The following ADGRL2 variants were observed in gnomAD, a reference collection of about 807,000 sequenced individuals.
The protein encoded by ADGRL2 is adhesion G protein-coupled receptor L2.
A neutral mutation model predicts 157.4 loss-of-function variants in ADGRL2; 44 were observed. The ratio of observed to expected loss-of-function variants is 0.28; its 90% CI spans 0.22 to 0.36. The LOEUF (loss-of-function observed/expected upper bound fraction) is 0.36. Ranked by LOEUF, ADGRL2 falls within the 10% of genes least tolerant of loss-of-function variation. The pLI, the probability that ADGRL2 is intolerant of heterozygous loss-of-function variation, is 1.00. For missense variants in ADGRL2, 1,510 were observed against 1,768.9 expected, an observed-to-expected ratio of 0.85 and a Z score of 2.63; for synonymous variants, 585 against 624.7, an observed-to-expected ratio of 0.94 and a Z score of 0.95.
At chr1:81,488,175 A>G (rs1320049753) in intron 2 of ADGRL2, among the ~76,000 whole-genome samples, 1 of 152,132 alleles carries the variant, frequency 6.6e-6, no homozygotes, top group African/African-American at 2.4e-5. Flanking sequence ...TTCAAAAACA[A>G]CTGAATATAT....
intron 2 of ADGRL2, among the ~76,000 whole-genome samples, chr1:81,884,122 A>G (rs2151280873): frequency 6.6e-6 from 1 of 151,686 alleles, no homozygotes. Flanking sequence ...AATAGCCGGG[A>G]CTTTAGGCAT....
intron 1 of ADGRL2, among the ~76,000 whole-genome samples, chr1:81,801,823 C>T (rs2088208372): frequency 6.6e-6 from 1 of 152,194 alleles, no homozygotes; most frequent in Admixed American, 6.5e-5. Context: ...CCCAAGTCTG[C>T]GCACCTCTGT....
chr1:81,777,921 C>G (rs771516208), intron 2 of ADGRL2, among the ~76,000 whole-genome samples: 1 of 152,114 alleles, frequency 6.6e-6, no homozygotes, highest in Non-Finnish European at 1.5e-5. Flanking sequence ...AGGCCAAAGA[C>G]AAAGGTCTGT....
intron 3 of ADGRL2, among the ~76,000 whole-genome samples, chr1:81,914,741 G>A (rs1192728714): frequency 6.6e-6 from 1 of 152,144 alleles, no homozygotes; most frequent in Non-Finnish European, 1.5e-5. Context: ...GTTGTTTCAA[G>A]ACAACTAACT....
chr1:81,314,733 T>C (rs1439916632), intron 1 of ADGRL2, among the ~76,000 whole-genome samples: 1 of 152,176 alleles, frequency 6.6e-6, no homozygotes, highest in Non-Finnish European at 1.5e-5. Flanking sequence ...ATGTTACACA[T>C]GCTGTGGCAG....
rs199507294 is a variant in ADGRL2, at chr1:81,427,421, A to C, written c.-301-17615A>C. ...TGGTGGTGGAGGATATGATGGTTGC[A>C]ATGGAGGAAATTTGGTGGTGGTAAC... On this transcript the variant is annotated intron_variant, in intron 1 of 24. Coordinates refer to the ADGRL2 transcript ENST00000370721. The C allele has an allele frequency of 8.1e-5, 61 of 749,044 alleles. No individual in the cohort carries two copies. In the East Asian group the frequency reaches 1.4e-3, roughly 17 times the overall value. The allele number at this position is 749,044 out of a possible 1,614,324, so 46.4% of individuals were successfully genotyped here. A position where few individuals can be genotyped will look rare whatever the true frequency, so the allele number is the denominator to read the frequency against.
intron 1 of ADGRL2, among the ~76,000 whole-genome samples, chr1:81,329,554 A>G (rs1008982126): frequency 9.8e-5 from 15 of 152,312 alleles, no homozygotes; most frequent in African/African-American, 3.4e-4. Flanking sequence ...ATATTTCTCT[A>G]AAAGCTAAAC....
intron 1 of ADGRL2, among the ~76,000 whole-genome samples, chr1:81,399,257 G>T (rs1184078000): frequency 6.6e-6 from 1 of 152,098 alleles, no homozygotes; most frequent in African/African-American, 2.4e-5. Flanking sequence ...CTCCCACCAG[G>T]CTCTGCCTCC....
intron 5 of ADGRL2, 87 bp from the exon 6 acceptor site, chr1:81,942,882 T>C (rs902229361): frequency 1.1e-6 from 1 of 943,126 alleles, no homozygotes; most frequent in East Asian, 2.4e-5. Flanking sequence ...TATGAATTTT[T>C]CCCTTTTGAT....
intron 2 of ADGRL2, among the ~76,000 whole-genome samples, chr1:81,566,499 T>C (rs1374774753): frequency 6.6e-6 from 1 of 152,200 alleles, no homozygotes; most frequent in Non-Finnish European, 1.5e-5. Context: ...CAGGAGTCTA[T>C]TGAAAATTTT....
chr1:81,838,365 C>A (rs1000362307), intron 2 of ADGRL2, among the ~76,000 whole-genome samples: 1 of 152,078 alleles, frequency 6.6e-6, no homozygotes, highest in African/African-American at 2.4e-5. Context: ...ATTTAAGTCA[C>A]ACTTGGCAGT....
intron 1 of ADGRL2, among the ~76,000 whole-genome samples, chr1:81,434,475 T>C (rs1255993679): frequency 6.6e-6 from 1 of 152,150 alleles, no homozygotes; most frequent in Non-Finnish European, 1.5e-5. Flanking sequence ...GAACTGCTCT[T>C]CTAGGGCCTA....
At chr1:81,475,027 C>T (rs57870280) in intron 2 of ADGRL2, among the ~76,000 whole-genome samples, 3,221 of 152,242 alleles carry the variant, frequency 0.021, 105 homozygotes, top group African/African-American at 0.074. Context: ...GGCCTAAAAG[C>T]AGTCAGAGTC....
intron 2 of ADGRL2, chr1:81,502,868 G>A (rs1318651872): frequency 1.9e-6 from 3 of 1,612,988 alleles, no homozygotes; most frequent in Non-Finnish European, 2.5e-6. Context: ...CCCAAGATCC[G>A]CTTTCCCATC....
At chr1:81,817,606 C>T (rs2090542317) in intron 1 of ADGRL2, among the ~76,000 whole-genome samples, 1 of 152,032 alleles carries the variant, frequency 6.6e-6, no homozygotes, top group African/African-American at 2.4e-5. Context: ...GCAGATGTTT[C>T]AGTCTTTGGA....
intron 1 of ADGRL2, among the ~76,000 whole-genome samples, chr1:81,820,054 C>A (rs1285313177): frequency 6.6e-6 from 1 of 152,236 alleles, no homozygotes; most frequent in South Asian, 2.1e-4. Context: ...TCCTCAATAG[C>A]TTTTCAGCTC....
chr1:81,378,061 C>A (rs1306184344), intron 1 of ADGRL2, among the ~76,000 whole-genome samples: 1 of 151,908 alleles, frequency 6.6e-6, no homozygotes. Flanking sequence ...CACCTGTAGC[C>A]CCAGCTACTC....
chr1:81,717,878 A>G (rs750825592), intron 1 of ADGRL2, among the ~76,000 whole-genome samples: 4 of 152,246 alleles, frequency 2.6e-5, no homozygotes, highest in African/African-American at 7.2e-5. Flanking sequence ...ACCCAAAAAC[A>G]TATTGTCTCT....
chr1:81,717,258 T>A (rs1294195272), intron 1 of ADGRL2, among the ~76,000 whole-genome samples: 1 of 152,160 alleles, frequency 6.6e-6, no homozygotes, highest in African/African-American at 2.4e-5. Context: ...CAGTTATATA[T>A]GATTCTCCGG....
Sources: gnomAD v4.1 joint callset for allele counts (sites outside exome capture counted in the v4.1 genomes callset) on GRCh38, gnomAD v4.1.1 for gene constraint, MANE v1.5 for transcripts, NCBI Gene and HGNC (gene_info 2026-07-23, HGNC 2026-07-21) for gene names.